The following ZNF469 variants were observed in gnomAD, a reference collection of about 807,000 sequenced individuals.
ZNF469 encodes the protein zinc finger protein 469.
ZNF469 carries 1 observed loss-of-function variant against 1.0 expected under a neutral mutation model. The ratio of observed to expected loss-of-function variants is 1.00; its 90% confidence interval spans 0.35 to 4.73. The LOEUF (loss-of-function observed/expected upper bound fraction) is 4.73. Ranked by LOEUF, ZNF469 falls within the 30% of genes most tolerant of loss-of-function variation. The pLI, the probability that ZNF469 is intolerant of heterozygous loss-of-function variation, is 0.16. For synonymous variants in ZNF469, 2,703 were observed against 2,363.4 expected (o/e 1.14, Z -4.17); for missense variants, 6,100 against 5,356.3 (o/e 1.14, Z -4.33).
the ZNF469 span, among the ~76,000 whole-genome samples, chr16:88,318,439 AG>A: frequency 7.1e-6 from 1 of 139,944 alleles, no homozygotes; most frequent in Non-Finnish European, 1.7e-5. Flanking sequence ...GCTGCATCTC[AG>A]GATCAGGGGA....
intron 1 of ZNF469, among the ~76,000 whole-genome samples, chr16:88,383,951 A>T (rs1292320179): frequency 6.6e-6 from 1 of 152,010 alleles, no homozygotes; most frequent in Non-Finnish European, 1.5e-5. Flanking sequence ...AGGGAAGGCC[A>T]ATGGGGCTCG....
chr16:88,178,389 G>A, the ZNF469 span: 7 of 152,290 alleles, frequency 4.6e-5, no homozygotes, highest in Admixed American at 2.6e-4. Context: ...GCACTCCGGC[G>A]TTCTGAGAAC....
the ZNF469 span, among the ~76,000 whole-genome samples, chr16:88,146,905 G>T: frequency 7.2e-5 from 11 of 151,982 alleles, no homozygotes; most frequent in Non-Finnish European, 1.0e-4. Context: ...GGGCAGTGGG[G>T]CTTCCAGCAC....
intron 1 of ZNF469, among the ~76,000 whole-genome samples, chr16:88,389,484 G>A (rs1010085622): frequency 6.6e-6 from 1 of 152,258 alleles, no homozygotes; most frequent in East Asian, 1.9e-4. Context: ...TACCGCTTCT[G>A]TGTGGGCACC....
chr16:88,148,975 G>A, the ZNF469 span, among the ~76,000 whole-genome samples: 1 of 152,158 alleles, frequency 6.6e-6, no homozygotes. Flanking sequence ...CTCACTGCGG[G>A]CCACCATATC....
intron 1 of ZNF469, among the ~76,000 whole-genome samples, chr16:88,419,839 A>G (rs554183027): frequency 3.2e-4 from 49 of 152,362 alleles, no homozygotes; most frequent in Non-Finnish European, 6.3e-4. Context: ...CTCTCAGGCC[A>G]GGGCCTTGGA....
At chr16:88,212,481 G>A in the ZNF469 span, among the ~76,000 whole-genome samples, 4 of 152,130 alleles carry the variant, frequency 2.6e-5, no homozygotes, top group Middle Eastern at 3.4e-3. Context: ...ATTAACATCT[G>A]TTCTCCTTTG....
Position 88,434,575 on chromosome 16 carries a change from G to A in ZNF469, c.7105G>A (p.Glu2369Lys). The part of the protein sequence containing the change: ...GPDSPACLEG[E>K]MGTSSKEPED... ...GGACTCCCCCGCCTGCCTGGAAGGT[G>A]AGATGGGGACCAGCAGCAAGGAGCC... Residue 2369 changes from glutamate to lysine, a missense_variant, in exon 3 of 3, where the codon GAG becomes AAG. Coordinates refer to ENST00000565624, the MANE Select transcript of ZNF469 (RefSeq NM_001367624.2). 6.5e-7 allele frequency: 1 copy of A among 1,550,336 alleles called. No homozygotes were observed. Among genetic ancestry groups the A allele is most frequent in the Non-Finnish European group, 8.7e-7 (1 of 1,146,924 alleles).
rs1249842463 is a variant in ZNF469, at chr16:88,428,494, C to T, written c.1024C>T (p.Pro342Ser). 1.3e-6 allele frequency: 2 copies of T among 1,549,576 alleles called. No individual in the cohort carries two copies. The highest frequency in any genetic ancestry group is 8.7e-7 in the Non-Finnish European group (1 of 1,146,844). The change falls in exon 3 of 3, where the codon CCA (proline) becomes TCA (serine). Residue 342 changes from proline to serine, a missense_variant. Physicochemically the swap from Pro to Ser is moderately conservative, Grantham distance 74 (BLOSUM62 -1). Transcript: ENST00000565624. ...ACCCCTGCCCTGCTACCAGGGCCAG[C>T]CAGGTGGCCTGAACCGCCACAGCGA... ...PSPLPCYQGQ[P>S]GGLNRHSDLS...
the ZNF469 span, among the ~76,000 whole-genome samples, chr16:88,185,673 G>A: frequency 2.0e-5 from 3 of 148,306 alleles, no homozygotes; most frequent in African/African-American, 7.5e-5. Context: ...ACACTCATGT[G>A]CCCAGACCCA....
At chr16:88,387,821 G>A (rs1177272661) in intron 1 of ZNF469, among the ~76,000 whole-genome samples, 1 of 152,186 alleles carries the variant, frequency 6.6e-6, no homozygotes, top group African/African-American at 2.4e-5. Context: ...AGCTCTTGAA[G>A]CAAGAGGAGC....
At chr16:88,353,868 C>T in the ZNF469 span, among the ~76,000 whole-genome samples, 1 of 152,202 alleles carries the variant, frequency 6.6e-6, no homozygotes, top group African/African-American at 2.4e-5. Flanking sequence ...TCTCCTGGAG[C>T]TTCCGGAGGG....
At chr16:88,286,595 G>A in the ZNF469 span, among the ~76,000 whole-genome samples, 1 of 152,282 alleles carries the variant, frequency 6.6e-6, no homozygotes, top group Non-Finnish European at 1.5e-5. Flanking sequence ...GTCAGTGCAG[G>A]TGGGGGAGGG....
At chr16:88,147,051 G>T in the ZNF469 span, among the ~76,000 whole-genome samples, 3 of 152,098 alleles carry the variant, frequency 2.0e-5, no homozygotes, top group Non-Finnish European at 4.4e-5. Context: ...GTGCCCTCAC[G>T]TGGCAAAAGG....
chr16:88,314,928 G>C, the ZNF469 span, among the ~76,000 whole-genome samples: 6 of 147,970 alleles, frequency 4.1e-5, no homozygotes, highest in Admixed American at 2.7e-4. Flanking sequence ...GATGATGCTG[G>C]TGTGGACTGT....
chr16:88,113,866 C>G, the ZNF469 span, among the ~76,000 whole-genome samples: 1 of 152,176 alleles, frequency 6.6e-6, no homozygotes, highest in Non-Finnish European at 1.5e-5. Context: ...TGGTCTAGTG[C>G]GTGGAGAAGC....
At chr16:88,185,912 A>G in the ZNF469 span, among the ~76,000 whole-genome samples, 12 of 151,778 alleles carry the variant, frequency 7.9e-5, no homozygotes, top group African/African-American at 2.7e-4. Context: ...CCACAGACAC[A>G]CACATTCACA....
Position 88,437,759 on chromosome 16 carries a change from A to C in ZNF469, c.10289A>C (p.Lys3430Thr). Residue 3430 changes from lysine to threonine, a missense_variant, in exon 3 of 3, where the codon AAG (lysine) becomes ACG (threonine). Transcript: ENST00000565624. ...CSSCNYTFAKKEQFDRHMNKH... is the reference protein window; with the variant it reads ...CSSCNYTFAKTEQFDRHMNKH... ...TCCTGCAACTACACCTTCGCCAAGA[A>C]GGAGCAGTTCGACCGCCACATGAAC... is the stretch of plus-strand genomic sequence containing the variant. 1 of 1,549,698 alleles carries C rather than the reference A, an allele frequency of 6.5e-7. No individual in the cohort carries two copies. The highest frequency in any genetic ancestry group is 1.2e-5 in the South Asian group (1 of 84,060).
chr16:88,324,779 C>T, the ZNF469 span, among the ~76,000 whole-genome samples: 11 of 152,142 alleles, frequency 7.2e-5, no homozygotes, highest in Non-Finnish European at 1.5e-4. Context: ...GTCATGGTGC[C>T]GGTGGGTGTG....
Sources: gnomAD v4.1 joint callset for allele counts (sites outside exome capture counted in the v4.1 genomes callset) on GRCh38, gnomAD v4.1.1 for gene constraint, MANE v1.5 for transcripts, NCBI Gene and HGNC (gene_info 2026-07-23, HGNC 2026-07-21) for gene names.